PRAG1: variants seen among roughly 807,000 people sequenced by gnomAD.
The protein encoded by PRAG1 is PEAK1 related, kinase-activating pseudokinase 1, also known as inactive tyrosine-protein kinase PRAG1.
In PRAG1, 110 loss-of-function variants were observed where a neutral mutation model predicts 95.6. The observed-to-expected ratio is 1.15, with a 90% CI of 0.99 to 1.35. The LOEUF (loss-of-function observed/expected upper bound fraction) is 1.35. Ranked by LOEUF, PRAG1 falls within the 40% of genes most tolerant of loss-of-function variation. The pLI is 0.00. For missense variants in PRAG1, 2,554 were observed against 1,864.7 expected (o/e 1.37, Z -6.81); for synonymous variants, 1,052 against 819.4 (o/e 1.28, Z -4.85).
intron 3 of PRAG1, among the ~76,000 whole-genome samples, chr8:8,349,080 T>C (rs1799435702): frequency 6.6e-6 from 1 of 152,184 alleles, no homozygotes; most frequent in South Asian, 2.1e-4. Context: ...TAGCTGAAAC[T>C]TTCTCATATC....
rs752608639 is a variant in PRAG1, at chr8:8,318,975, C to T, written c.3400G>A (p.Glu1134Lys). 6.2e-7 allele frequency: 1 copy of T among 1,613,250 alleles called. No individual in the cohort carries two copies. ...ATGATCCCGTGCTCCTTCAGGTGCT[C>T]CAGCCCGTTGCAGAGTTGCAGAAGC... ...FLLLQLCNGL[E>K]HLKEHGIIHR... Residue 1134 changes from glutamate (E) to lysine (K), a missense_variant, in exon 6 of 6, where the codon GAG becomes AAG. Glu to Lys is a moderately conservative substitution (Grantham distance 56). Coordinates refer to ENST00000615670, the MANE Select transcript of PRAG1 (RefSeq NM_001080826.3). The surrounding 1 kb of genome is among the most constrained non-coding windows in gnomAD (Gnocchi z 4.2).
intron 1 of PRAG1, among the ~76,000 whole-genome samples, chr8:8,382,868 T>C (rs963175438): frequency 6.6e-6 from 1 of 152,062 alleles, no homozygotes; most frequent in Non-Finnish European, 1.5e-5. Flanking sequence ...ACGGGAGAGT[T>C]TGCCCATTCT....
chr8:8,365,155 G>C (rs1799959512), intron 3 of PRAG1, among the ~76,000 whole-genome samples: 1 of 152,132 alleles, frequency 6.6e-6, no homozygotes, highest in South Asian at 2.1e-4. Flanking sequence ...TTCACCAGTG[G>C]AGAAGATTCA....
chr8:8,349,661 G>A (rs1160861651), intron 3 of PRAG1, among the ~76,000 whole-genome samples: 3 of 152,028 alleles, frequency 2.0e-5, no homozygotes, highest in African/African-American at 7.2e-5. Flanking sequence ...AATGCCAGCT[G>A]AAAAAACTGA....
chr8:8,349,161 GA>G (rs1421710854), intron 3 of PRAG1, among the ~76,000 whole-genome samples: 2 of 152,130 alleles, frequency 1.3e-5, no homozygotes, highest in African/African-American at 4.8e-5. Context: ...AAAATATTCT[GA>G]ATTTTCACAA....
intron 4 of PRAG1, among the ~76,000 whole-genome samples, chr8:8,332,061 G>C (rs1236049604): frequency 6.6e-6 from 1 of 152,038 alleles, no homozygotes; most frequent in Non-Finnish European, 1.5e-5. Flanking sequence ...TTGCCCAGCA[G>C]AAGTAAAGTC....
intron 3 of PRAG1, among the ~76,000 whole-genome samples, chr8:8,359,830 C>T (rs1376257442): frequency 6.6e-6 from 1 of 152,200 alleles, no homozygotes; most frequent in Non-Finnish European, 1.5e-5. Context: ...TTTGGACCAA[C>T]TTGCAAACCT....
rs1184088794 is a variant in PRAG1 at position 8,381,540 on chromosome 8, C to G, written c.208G>C (p.Glu70Gln). ...GGTGAGCTGTTCACACCTTCATCTT[C>G]CAGGCGGCAGTTCTCAGGCCTGGGA... ...LPPRPENCRL[E>Q]DEGVNSSPYS... is the part of the protein sequence containing the mutation. The change falls in exon 2 of 6, where the codon GAA becomes CAA. Residue 70 changes from glutamate to glutamine, a missense_variant. Transcript: ENST00000615670. The G allele has an allele frequency of 1.9e-6, 3 of 1,614,100 alleles. No homozygotes were observed. The African/African-American group carries it at 4.0e-5, about 22-fold the overall frequency.
At chr8:8,331,433 G>A (rs1277950293) in intron 4 of PRAG1, among the ~76,000 whole-genome samples, 3 of 152,100 alleles carry the variant, frequency 2.0e-5, no homozygotes, top group Admixed American at 2.0e-4. Flanking sequence ...ACATCATTGT[G>A]AAGGCCCCTT....
intron 3 of PRAG1, among the ~76,000 whole-genome samples, chr8:8,342,718 A>C (rs1230983459): frequency 6.6e-6 from 1 of 152,204 alleles, no homozygotes; most frequent in East Asian, 1.9e-4. Flanking sequence ...TATGATGTGA[A>C]GAAAAAAAGA....
chr8:8,339,902 T>G (rs1281608062), intron 3 of PRAG1, among the ~76,000 whole-genome samples: 1 of 152,200 alleles, frequency 6.6e-6, no homozygotes, highest in African/African-American at 2.4e-5. Flanking sequence ...TGGAAGGAAT[T>G]GCCTTCATAT....
chr8:8,365,468 C>CA (rs1488223142), intron 3 of PRAG1, among the ~76,000 whole-genome samples: 2 of 150,986 alleles, frequency 1.3e-5, no homozygotes, highest in African/African-American at 2.4e-5. Flanking sequence ...ACTAAAAATA[C>CA]AAAAAATTAG....
At chr8:8,333,592 T>C (rs936606985) in intron 4 of PRAG1, among the ~76,000 whole-genome samples, 15 of 152,212 alleles carry the variant, frequency 9.9e-5, no homozygotes, top group Non-Finnish European at 1.5e-5. Context: ...TTCCTTATTA[T>C]AGAGTCCTCT....
chr8:8,375,491 C>T (rs577758206), intron 3 of PRAG1, among the ~76,000 whole-genome samples: 36 of 151,918 alleles, frequency 2.4e-4, no homozygotes, highest in Non-Finnish European at 4.9e-4. Context: ...TGAGCCACCA[C>T]GCCCAGCCCC....
At chr8:8,347,673 A>C (rs1585244014) in intron 3 of PRAG1, among the ~76,000 whole-genome samples, 1 of 152,190 alleles carries the variant, frequency 6.6e-6, no homozygotes, top group Non-Finnish European at 1.5e-5. Context: ...GCTTTTCAGC[A>C]TTAAGCCGAC....
At chr8:8,385,438 C>T (rs1244213349) in intron 1 of PRAG1, among the ~76,000 whole-genome samples, 5 of 152,168 alleles carry the variant, frequency 3.3e-5, no homozygotes, top group Non-Finnish European at 7.3e-5. Flanking sequence ...AACCAGACCT[C>T]AGGAGAGAAA....
chr8:8,347,285 C>T (rs1026640520), intron 3 of PRAG1, among the ~76,000 whole-genome samples: 5 of 152,164 alleles, frequency 3.3e-5, no homozygotes, highest in African/African-American at 1.2e-4. Flanking sequence ...TCAGAGGCAG[C>T]CGGAATGCTT....
At chr8:8,349,928 A>AAT (rs1372862997) in intron 3 of PRAG1, among the ~76,000 whole-genome samples, 3 of 107,758 alleles carry the variant, frequency 2.8e-5, no homozygotes, top group African/African-American at 1.1e-4. Flanking sequence ...AAGATAGGAA[A>AAT]ATACACACAC....
At chr8:8,360,228 C>T (rs1055216429) in intron 3 of PRAG1, among the ~76,000 whole-genome samples, 7 of 152,254 alleles carry the variant, frequency 4.6e-5, no homozygotes, top group African/African-American at 9.6e-5. Flanking sequence ...TCAGGACATT[C>T]GTTCTTAAAA....
Sources: allele counts gnomAD v4.1 joint callset (sites outside exome capture counted in the v4.1 genomes callset), GRCh38; gene constraint gnomAD v4.1.1; non-coding constraint Gnocchi (gnomAD v3.1); transcripts MANE v1.5; gene names NCBI Gene and HGNC (gene_info 2026-07-23, HGNC 2026-07-21).